Variants in STK39 observed in about 807,000 individuals in gnomAD.
The protein encoded by STK39 is serine/threonine kinase 39.
STK39 carries 20 observed loss-of-function variants against 77.8 expected under a neutral mutation model. The ratio of observed to expected loss-of-function variants is 0.26; its 90% CI spans 0.18 to 0.37. STK39 has a LOEUF of 0.37. Ranked by LOEUF, STK39 falls within the 10% of genes least tolerant of loss-of-function variation. The pLI is 1.00. For synonymous variants in STK39, 246 were observed against 234.1 expected (o/e 1.05, Z -0.47); for missense variants, 479 against 656.5 (o/e 0.73, Z 2.95).
intron 1 of STK39, among the ~76,000 whole-genome samples, chr2:168,208,665 C>T (rs1689804116): frequency 6.6e-6 from 1 of 152,178 alleles, no homozygotes; most frequent in African/African-American, 2.4e-5. Flanking sequence ...CAAATGTCTC[C>T]TTCTTGAGCA....
At position 167,954,992 on chromosome 2, in the gene STK39, TAATA is replaced by T. The variant is rs1691725965; in HGVS notation, c.*500_*503del. On this transcript the variant is annotated 3_prime_UTR_variant, in exon 18 of 18. Transcript: ENST00000355999. The stretch of plus-strand genomic sequence containing the variant: ...TTTAAAACTAGAATTCAAGTTTGGC[TAATA>T]AATCTTAATTTTATAAGTATATTAA... 6.5e-6 allele frequency: 1 copy of T among 152,726 alleles called. No homozygotes were observed. The highest frequency in any genetic ancestry group is 2.4e-5 in the African/African-American group (1 of 41,470). 9.5% of individuals were successfully genotyped at this position (152,726 alleles called of 1,614,324 possible). A position where few individuals can be genotyped will look rare whatever the true frequency, so the allele number is the denominator to read the frequency against.
At chr2:168,061,369 C>A (rs553701879) in intron 14 of STK39, among the ~76,000 whole-genome samples, 1 of 151,814 alleles carries the variant, frequency 6.6e-6, no homozygotes, top group African/African-American at 2.4e-5. Flanking sequence ...AAAAGAGTTA[C>A]GAGATCAAAT....
At chr2:168,012,586 C>G in intron 16 of STK39, 48 bp downstream of exon 16, 1 of 1,518,722 alleles carries the variant, frequency 6.6e-7, no homozygotes, top group South Asian at 1.2e-5. Flanking sequence ...AACACATTTC[C>G]ATTTTATATA....
At chr2:168,002,063 G>GA (rs997138097) in intron 16 of STK39, among the ~76,000 whole-genome samples, 1 of 152,154 alleles carries the variant, frequency 6.6e-6, no homozygotes, top group African/African-American at 2.4e-5. Flanking sequence ...TAAAGTAATT[G>GA]AAAAAAGCAA....
intron 16 of STK39, among the ~76,000 whole-genome samples, chr2:168,004,168 G>A (rs987893094): frequency 2.0e-4 from 31 of 152,296 alleles, no homozygotes; most frequent in African/African-American, 7.0e-4. Flanking sequence ...AGGATCCACT[G>A]CCTCCTGAGC....
At chr2:168,102,455 C>T (rs998516737) in intron 10 of STK39, among the ~76,000 whole-genome samples, 1 of 152,140 alleles carries the variant, frequency 6.6e-6, no homozygotes, top group African/African-American at 2.4e-5. Context: ...TACAAGGAAA[C>T]TGGATTGGAA....
At chr2:168,194,424 T>G (rs1268689474) in intron 1 of STK39, among the ~76,000 whole-genome samples, 1 of 151,852 alleles carries the variant, frequency 6.6e-6, no homozygotes, top group Non-Finnish European at 1.5e-5. Flanking sequence ...TGTCTCAAAA[T>G]AAATTAATTA....
Position 168,104,361 on chromosome 2 carries a change from CA to C in STK39, c.1089+25179del, listed in dbSNP as rs371041149. Among the ~76,000 whole-genome samples, 224 of 152,170 alleles carry C rather than the reference CA, an allele frequency of 1.5e-3. 1 individual carries two copies. Among genetic ancestry groups the C allele is most frequent in the African/African-American group, 5.1e-3 (212 of 41,508 alleles). On this transcript the variant is annotated intron_variant, in intron 10 of 17. Transcript: ENST00000355999. ...GCAAAACACTGGCCTAGTCATCAAG[CA>C]GGAACTCACAACGAGAAAAAGACAT...
chr2:168,050,422 G>A (rs952551901), intron 14 of STK39, among the ~76,000 whole-genome samples: 1 of 152,182 alleles, frequency 6.6e-6, no homozygotes, highest in Non-Finnish European at 1.5e-5. Context: ...TGGCAAAAAG[G>A]GATTTGGTAG....
At chr2:168,058,584 G>T (rs1159422485) in intron 14 of STK39, among the ~76,000 whole-genome samples, 1 of 152,166 alleles carries the variant, frequency 6.6e-6, no homozygotes, top group Non-Finnish European at 1.5e-5. Flanking sequence ...CGCTTAACAT[G>T]TGCAAAACTG....
intron 16 of STK39, among the ~76,000 whole-genome samples, chr2:167,971,411 G>A (rs1024448322): frequency 1.3e-5 from 2 of 152,142 alleles, no homozygotes; most frequent in African/African-American, 4.8e-5. Context: ...TTAAAATTTT[G>A]TGGGGATTTT....
chr2:168,241,464 T>A (rs1690755643), intron 1 of STK39, among the ~76,000 whole-genome samples: 1 of 152,182 alleles, frequency 6.6e-6, no homozygotes, highest in Non-Finnish European at 1.5e-5. Flanking sequence ...CAGAGGGCCA[T>A]TTGGCACCTA....
At chr2:168,016,682 G>A (rs1208539019) in intron 15 of STK39, among the ~76,000 whole-genome samples, 3 of 152,152 alleles carry the variant, frequency 2.0e-5, no homozygotes, top group African/African-American at 7.2e-5. Flanking sequence ...TTACCTTTCT[G>A]TATGATCCCA....
intron 1 of STK39, among the ~76,000 whole-genome samples, chr2:168,194,234 C>T (rs927397219): frequency 5.8e-4 from 88 of 152,158 alleles, no homozygotes; most frequent in African/African-American, 2.0e-3. Context: ...GCCAATACAG[C>T]GAAACCCCTT....
intron 10 of STK39, among the ~76,000 whole-genome samples, chr2:168,117,826 AAGTGATGTGCACCTCAT>A (rs1687298130): frequency 1.3e-5 from 2 of 152,156 alleles, no homozygotes; most frequent in Non-Finnish European, 1.5e-5. Context: ...CCTTACCTCC[AAGTGATGTGCACCTCAT>A]CTTATAAGTG....
chr2:167,972,939 G>T (rs137913637), intron 16 of STK39, among the ~76,000 whole-genome samples: 1,992 of 152,224 alleles, frequency 0.013, 21 homozygotes, highest in Non-Finnish European at 0.021. Context: ...TTGCCTTCCA[G>T]CTGTGCCTGC....
At chr2:168,176,398 G>A (rs1688957065) in intron 2 of STK39, among the ~76,000 whole-genome samples, 1 of 152,050 alleles carries the variant, frequency 6.6e-6, no homozygotes, top group East Asian at 1.9e-4. Context: ...AAGGATGAGA[G>A]CAACCTGCAT....
At chr2:168,008,027 C>A (rs1054997837) in intron 16 of STK39, among the ~76,000 whole-genome samples, 2 of 152,204 alleles carry the variant, frequency 1.3e-5, no homozygotes, top group African/African-American at 4.8e-5. Context: ...AAACCCCATA[C>A]TTAGTAGTCA....
chr2:167,988,110 C>A (rs1038640505), intron 16 of STK39, among the ~76,000 whole-genome samples: 1 of 152,072 alleles, frequency 6.6e-6, no homozygotes, highest in Non-Finnish European at 1.5e-5. Context: ...ACCACAGTGC[C>A]TTCTGCCTCT....
Sources: gnomAD v4.1 joint callset for allele counts (sites outside exome capture counted in the v4.1 genomes callset) on GRCh38, gnomAD v4.1.1 for gene constraint, MANE v1.5 for transcripts, NCBI Gene and HGNC (gene_info 2026-07-23, HGNC 2026-07-21) for gene names.